Variants in NCAN observed in about 807,000 individuals in gnomAD.
The protein encoded by NCAN is neurocan.
In NCAN, 47 loss-of-function variants were observed where a neutral mutation model predicts 121.8. The ratio of observed to expected loss-of-function variants is 0.39; its 90% CI spans 0.31 to 0.49. NCAN has a LOEUF of 0.49. Among genes scored for constraint, NCAN ranks in the 20% least tolerant of loss-of-function variants. The pLI is 0.92. For synonymous variants in NCAN, 633 were observed against 702.0 expected, an observed-to-expected ratio of 0.90 and a Z score of 1.55; for missense variants, 1,517 against 1,773.4, an observed-to-expected ratio of 0.86 and a Z score of 2.60.
intron 8 of NCAN, among the ~76,000 whole-genome samples, chr19:19,231,161 GA>G (rs2060857937): frequency 6.6e-6 from 1 of 152,006 alleles, no homozygotes; most frequent in South Asian, 2.1e-4. Context: ...CACTTTACTG[GA>G]GTTATCTTGG....
chr19:19,235,502 C>T (rs1318589893), intron 10 of NCAN, among the ~76,000 whole-genome samples: 1 of 151,262 alleles, frequency 6.6e-6, no homozygotes, highest in Non-Finnish European at 1.5e-5. Flanking sequence ...GAACTCCTGA[C>T]CTCAGGTGAT....
Position 19,242,604 on chromosome 19 carries a change from G to A in NCAN, c.3492+1919G>A, listed in dbSNP as rs150246293. Among the ~76,000 whole-genome samples, 455 of 151,918 alleles carry A rather than the reference G, an allele frequency of 3.0e-3. 5 individuals are homozygous for A. In the East Asian group the frequency reaches 0.046, roughly 15 times the overall value. On this transcript the variant is annotated intron_variant, in intron 12 of 14. Transcript: ENST00000252575. Reference sequence around the variant, plus strand: ...CTTGCGAGGCTGAGGCAGGAGAATCGCTTGAACCTGGAAGGCGTAGGTTGC... The same window carrying A: ...CTTGCGAGGCTGAGGCAGGAGAATCACTTGAACCTGGAAGGCGTAGGTTGC...
rs144580072 is a variant in NCAN at position 19,227,615 on chromosome 19, C to T, written c.1995C>T (p.Ala665=). The T allele has an allele frequency of 9.6e-5, 155 of 1,613,806 alleles. No homozygotes were observed. Among genetic ancestry groups the T allele is most frequent in the Admixed American group, 1.8e-4 (11 of 60,008 alleles). The change falls in exon 8 of 15, where the codon GCC becomes GCT. Residue 665 remains alanine, a synonymous_variant. Coordinates refer to ENST00000252575, the MANE Select transcript of NCAN (RefSeq NM_004386.3). The surrounding 1 kb of genome is among the most constrained non-coding windows in gnomAD (Gnocchi z 4.2). ...TTGAGGCACATGGTGAGGCCACCGC[C>T]ACGGCTCCACCCTCCCCTGCTGCAG... ...NRVEAHGEAT[A]TAPPSPAAET... is the part of the protein sequence containing the mutation.
intron 13 of NCAN, among the ~76,000 whole-genome samples, chr19:19,246,575 C>T: frequency 6.6e-6 from 1 of 151,938 alleles, no homozygotes; most frequent in Non-Finnish European, 1.5e-5. Flanking sequence ...ACTCTGTCAT[C>T]CAAGCTGGAG....
intron 12 of NCAN, among the ~76,000 whole-genome samples, chr19:19,242,571 C>G (rs1321886883): frequency 6.6e-6 from 1 of 151,920 alleles, no homozygotes; most frequent in African/African-American, 2.4e-5. Context: ...TGCCTGTAGT[C>G]CCAGCTACTT....
Position 19,249,750 on chromosome 19 carries a change from C to G in NCAN, c.3821-16C>G. 6.3e-7 allele frequency: 1 copy of G among 1,588,322 alleles called. No individual in the cohort carries two copies. ...CACCTTTTGTCCCTTCCCTGTCCTC[C>G]CTCACTTCCCTGCAGCCAGACGTTC... On this transcript the variant is annotated splice_polypyrimidine_tract_variant and intron_variant, in intron 14 of 14. Transcript: ENST00000252575.
chr19:19,239,287 G>A (rs1161252746), intron 11 of NCAN, among the ~76,000 whole-genome samples: 1 of 151,944 alleles, frequency 6.6e-6, no homozygotes, highest in Non-Finnish European at 1.5e-5. Context: ...CTTGTGGAGG[G>A]TGGGGTGAGG....
chr19:19,212,029 G>T lies in NCAN; in HGVS notation c.-43G>T. On this transcript the variant is annotated 5_prime_UTR_variant, in exon 1 of 15. Coordinates refer to ENST00000252575, the MANE Select transcript of NCAN (RefSeq NM_004386.3). This position sits in a 1 kb window ranked among gnomAD's most constrained non-coding sequence, Gnocchi z 4.5. ...CGGAGCGCAGCGTCCTTTGTGCCCG[G>T]CGGCCGCCCCGGGATGCGTCCGAGC... 4.7e-6 allele frequency: 1 copy of T among 213,866 alleles called. No individual in the cohort carries two copies. The highest frequency in any genetic ancestry group is 1.0e-5 in the Non-Finnish European group (1 of 100,186). The allele number at this position is 213,866 out of a possible 1,614,324, so 13.2% of individuals were successfully genotyped here. A position where few individuals can be genotyped will look rare whatever the true frequency, so the allele number is the denominator to read the frequency against.
chr19:19,243,807 C>T (rs368725973), intron 12 of NCAN, among the ~76,000 whole-genome samples: 3 of 152,106 alleles, frequency 2.0e-5, no homozygotes, highest in Non-Finnish European at 4.4e-5. Flanking sequence ...GTGGGTGGAT[C>T]GCGAGGTCAG....
chr19:19,213,874 C>T (rs994093220), intron 1 of NCAN, among the ~76,000 whole-genome samples: 2 of 152,128 alleles, frequency 1.3e-5, no homozygotes, highest in Non-Finnish European at 2.9e-5. Flanking sequence ...CACATTCACA[C>T]CCATGCACAC....
intron 13 of NCAN, among the ~76,000 whole-genome samples, chr19:19,246,937 T>C (rs1327592334): frequency 6.6e-6 from 1 of 152,218 alleles, no homozygotes; most frequent in Non-Finnish European, 1.5e-5. Context: ...TATTGACTTG[T>C]TGATCTTACT....
intron 8 of NCAN, among the ~76,000 whole-genome samples, chr19:19,230,557 C>T (rs1568598665): frequency 6.6e-6 from 1 of 151,678 alleles, no homozygotes; most frequent in Non-Finnish European, 1.5e-5. Flanking sequence ...TGTGCACCAA[C>T]AGGCCTGGCT....
At chr19:19,241,101 T>C (rs1385103554) in intron 12 of NCAN, among the ~76,000 whole-genome samples, 1 of 151,690 alleles carries the variant, frequency 6.6e-6, no homozygotes, top group Non-Finnish European at 1.5e-5. Flanking sequence ...ACTAAAAATA[T>C]AAAAATTAGC....
chr19:19,230,236 G>A (rs559960834), intron 8 of NCAN, among the ~76,000 whole-genome samples: 1 of 151,938 alleles, frequency 6.6e-6, no homozygotes, highest in African/African-American at 2.4e-5. Context: ...GTAGAGACAA[G>A]GCTTCACCAT....
intron 2 of NCAN, 136 bp from the exon 3 acceptor site, chr19:19,218,779 G>A (rs1049021164): frequency 3.8e-5 from 33 of 866,450 alleles, no homozygotes; most frequent in Non-Finnish European, 7.9e-6. Flanking sequence ...GCCACTGCTT[G>A]GATTCTGAGG....
intron 2 of NCAN, among the ~76,000 whole-genome samples, chr19:19,218,666 T>A (rs1412818580): frequency 6.6e-6 from 1 of 152,038 alleles, no homozygotes; most frequent in African/African-American, 2.4e-5. Flanking sequence ...AAGACAGGGT[T>A]TCTCCATGTT....
Position 19,225,837 on chromosome 19 carries a change from C to T in NCAN, c.1072+567C>T, listed in dbSNP as rs764029024. Among the ~76,000 whole-genome samples the T allele has an allele frequency of 2.6e-5, 4 of 152,222 alleles. No homozygotes were observed. Among genetic ancestry groups the T allele is most frequent in the Non-Finnish European group, 4.4e-5 (3 of 68,036 alleles). On this transcript the variant is annotated intron_variant, in intron 6 of 14. Coordinates refer to ENST00000252575, the MANE Select transcript of NCAN (RefSeq NM_004386.3). The surrounding 1 kb of genome is among the most constrained non-coding windows in gnomAD (Gnocchi z 4.0). ...GCACCACCTGTACCAGGGGAGGATC[C>T]GTCACCAAGGTTGAGTTGAACCCCT...
chr19:19,228,679 G>T (rs1281384394), intron 8 of NCAN, 40 bp downstream of exon 8: 3 of 1,560,142 alleles, frequency 1.9e-6, no homozygotes, highest in East Asian at 4.5e-5. Flanking sequence ...GCTCTCCATG[G>T]TCAGGGCTTG....
intron 8 of NCAN, among the ~76,000 whole-genome samples, chr19:19,230,590 A>G (rs1416271781): frequency 6.6e-6 from 1 of 150,674 alleles, no homozygotes; most frequent in African/African-American, 2.4e-5. Context: ...TTTTATAGAC[A>G]GGGTTTTGCC....
Sources: allele counts gnomAD v4.1 joint callset (sites outside exome capture counted in the v4.1 genomes callset), GRCh38; gene constraint gnomAD v4.1.1; non-coding constraint Gnocchi (gnomAD v3.1); transcripts MANE v1.5; gene names NCBI Gene and HGNC (gene_info 2026-07-23, HGNC 2026-07-21).